PPT1: variants seen among roughly 807,000 people sequenced by gnomAD.
PPT1 encodes the protein palmitoyl-protein thioesterase 1.
In PPT1, 24 loss-of-function variants were observed where a neutral mutation model predicts 44.0. The ratio of observed to expected loss-of-function variants is 0.54; its 90% CI spans 0.39 to 0.77. The LOEUF (loss-of-function observed/expected upper bound fraction) is 0.77, where lower values mean the gene tolerates loss of function less well. PPT1 is among the 30% of genes least tolerant of loss of function. PPT1 has a pLI of 0.00. For missense variants in PPT1, 341 were observed against 378.8 expected, an observed-to-expected ratio of 0.90 and a Z score of 0.83; for synonymous variants, 148 against 140.2, an observed-to-expected ratio of 1.06 and a Z score of -0.39.
At chr1:40,095,074 C>G (rs938531898) in intron 1 of PPT1, among the ~76,000 whole-genome samples, 2 of 152,236 alleles carry the variant, frequency 1.3e-5, no homozygotes, top group African/African-American at 4.8e-5. Flanking sequence ...GATTAATCAT[C>G]TTTATATTGC....
chr1:40,073,694 A>C lies in PPT1; in HGVS notation c.*367T>G. 1 of 243,916 alleles carries C rather than the reference A, an allele frequency of 4.1e-6. No homozygotes were observed. The highest frequency in any genetic ancestry group is 5.0e-5 in the South Asian group (1 of 19,888). The allele number at this position is 243,916 out of a possible 1,614,324, so 15.1% of individuals were successfully genotyped here. A position where few individuals can be genotyped will look rare whatever the true frequency, so the allele number is the denominator to read the frequency against. On this transcript the variant is annotated 3_prime_UTR_variant, in exon 9 of 9. Transcript: ENST00000642050. ...GCACCTCTTTGCTTGAAATATGGCAAGACTTGGAAAAATGTTTGCCCTTAG... is the reference window on the plus strand; with the variant it reads ...GCACCTCTTTGCTTGAAATATGGCACGACTTGGAAAAATGTTTGCCCTTAG...
rs1001733682 is a variant in PPT1 at position 40,078,528 on chromosome 1, T to A, written c.726+32A>T. On this transcript the variant is annotated intron_variant, in intron 7 of 8. Coordinates refer to ENST00000642050, the MANE Select transcript of PPT1 (RefSeq NM_000310.4). ...GCAGCCCTATTTTAATGCCATTTAC[T>A]CTCCTGGCATGTGGCCTAAGTAGTG... 3 of 1,586,880 alleles carry A rather than the reference T, an allele frequency of 1.9e-6. No individual in the cohort carries two copies. The Admixed American group carries it at 5.0e-5, about 26-fold the overall frequency.
chr1:40,083,804 G>T (rs1311904127), intron 5 of PPT1, among the ~76,000 whole-genome samples: 4 of 152,154 alleles, frequency 2.6e-5, no homozygotes, highest in African/African-American at 7.2e-5. Context: ...CATGCACTTT[G>T]GGAGGGTGAG....
At chr1:40,090,389 T>C (rs1246267514) in intron 4 of PPT1, among the ~76,000 whole-genome samples, 7 of 151,820 alleles carry the variant, frequency 4.6e-5, no homozygotes, top group African/African-American at 1.5e-4. Context: ...CATATGTGTG[T>C]ATATATATGT....
chr1:40,071,840 T>G (rs1648101831), downstream of PPT1: 1 of 467,668 alleles, frequency 2.1e-6, no homozygotes, highest in African/African-American at 2.0e-5. Flanking sequence ...TTGGGGGTTA[T>G]TCTACCAACA....
chr1:40,080,211 C>A (rs1277074101), intron 6 of PPT1, among the ~76,000 whole-genome samples, 186 bp downstream of exon 6: 1 of 152,144 alleles, frequency 6.6e-6, no homozygotes, highest in Non-Finnish European at 1.5e-5. Context: ...GGAAGAAAGG[C>A]AAATGAATTT....
At chr1:40,091,857 TTC>T (rs1258873278) in intron 3 of PPT1, among the ~76,000 whole-genome samples, 186 bp downstream of exon 3, 3 of 144,674 alleles carry the variant, frequency 2.1e-5, no homozygotes, top group African/African-American at 7.8e-5. Flanking sequence ...AAGAGAGAAA[TTC>T]TGTCTCAAAA....
At chr1:40,094,647 C>G (rs781459628) in intron 1 of PPT1, among the ~76,000 whole-genome samples, 3 of 152,112 alleles carry the variant, frequency 2.0e-5, no homozygotes, top group Non-Finnish European at 2.9e-5. Flanking sequence ...GAACTAGGAA[C>G]AGGAAGCAAA....
chr1:40,092,554 TTTA>T, intron 1 of PPT1, 47 bp from the exon 2 acceptor site: 1 of 1,437,904 alleles, frequency 7.0e-7, no homozygotes, highest in South Asian at 1.1e-5. Context: ...CCAAATATTG[TTTA>T]TTGTTTAAAA....
chr1:40,074,158 T>A lies in PPT1; in HGVS notation c.824A>T (p.Asp275Val), dbSNP rs775402028. The change falls in exon 9 of 9, where the codon GAC (aspartate) becomes GTC (valine). Residue 275 changes from aspartate (D) to valine (V), a missense_variant. By Grantham distance (152) the Asp-to-Val change is radical. Coordinates refer to ENST00000642050, the MANE Select transcript of PPT1 (RefSeq NM_000310.4). Reference sequence around the variant, plus strand: ...CAGAAACACTAGCTGTCCTGCATTGTCCATTTCCTTTAGCCCCAGGCGGTC... The same window carrying A: ...CAGAAACACTAGCTGTCCTGCATTGACCATTTCCTTTAGCCCCAGGCGGTC... ...TQDRLGLKEM[D>V]NAGQLVFLAT... The A allele has an allele frequency of 3.1e-6, 5 of 1,614,186 alleles. No homozygotes were observed. The highest frequency in any genetic ancestry group is 2.5e-6 in the Non-Finnish European group (3 of 1,180,012).
At chr1:40,077,864 G>A (rs537596851) in intron 7 of PPT1, among the ~76,000 whole-genome samples, 95 of 152,332 alleles carry the variant, frequency 6.2e-4, no homozygotes, top group African/African-American at 2.1e-3. Flanking sequence ...TGTATGAAGC[G>A]TGCAGACAAG....
intron 5 of PPT1, among the ~76,000 whole-genome samples, chr1:40,088,386 C>T (rs1170496137): frequency 6.6e-6 from 1 of 152,060 alleles, no homozygotes; most frequent in Non-Finnish European, 1.5e-5. Context: ...ACCTCATGAT[C>T]CACCTGCCTC....
At position 40,079,242 on chromosome 1, in the gene PPT1, C is replaced by T. The variant is rs188492316; in HGVS notation, c.628-584G>A. On this transcript the variant is annotated intron_variant, in intron 6 of 8. Transcript: ENST00000642050. ...ACCACATTTTCTCTATCCAGTCTAC[C>T]GCTGATGGGCACCTAGGTTGATTTC... 2.7e-3 allele frequency among the ~76,000 whole-genome samples: 406 copies of T among 152,168 alleles called. 3 individuals are homozygous for T. Among genetic ancestry groups the T allele is most frequent in the African/African-American group, 8.5e-3 (352 of 41,478 alleles).
intron 1 of PPT1, among the ~76,000 whole-genome samples, chr1:40,095,916 C>T (rs945882311): frequency 6.6e-6 from 1 of 152,224 alleles, no homozygotes. Context: ...TAGCCAAAGT[C>T]CCTGCATTAG....
intron 7 of PPT1, among the ~76,000 whole-genome samples, 190 bp from the exon 8 acceptor site, chr1:40,077,103 C>T (rs921554764): frequency 2.0e-5 from 3 of 152,224 alleles, no homozygotes; most frequent in Non-Finnish European, 4.4e-5. Flanking sequence ...ATGAGTTAAT[C>T]TTTCTGAGAG....
chr1:40,078,801 C>T, intron 6 of PPT1, 143 bp from the exon 7 acceptor site: 1 of 725,754 alleles, frequency 1.4e-6, no homozygotes, highest in Non-Finnish European at 2.5e-6. Context: ...AGCTTCCTGA[C>T]CAGGATATAC....
intron 5 of PPT1, among the ~76,000 whole-genome samples, chr1:40,084,495 T>C (rs1216854314): frequency 6.6e-6 from 1 of 152,192 alleles, no homozygotes. Flanking sequence ...TACAAAGAAA[T>C]CTTTCATGAA....
At chr1:40,076,710 G>C in intron 8 of PPT1, 132 bp downstream of exon 8, 1 of 1,567,580 alleles carries the variant, frequency 6.4e-7, no homozygotes, top group South Asian at 1.1e-5. Context: ...TTGGACATGA[G>C]TCAGGTGTTT....
At chr1:40,080,271 A>C in intron 6 of PPT1, 126 bp downstream of exon 6, 1 of 1,036,210 alleles carries the variant, frequency 9.7e-7, no homozygotes, top group Non-Finnish European at 1.5e-6. Flanking sequence ...TCCCAAAAAA[A>C]ACAGAACTTC....
Sources: gnomAD v4.1 joint callset for allele counts (sites outside exome capture counted in the v4.1 genomes callset) on GRCh38, gnomAD v4.1.1 for gene constraint, MANE v1.5 for transcripts, NCBI Gene and HGNC (gene_info 2026-07-23, HGNC 2026-07-21) for gene names.